The following NEGR1 variants were observed in gnomAD, a reference collection of about 807,000 sequenced individuals.
The protein encoded by NEGR1 is IgLON family member 4.
NEGR1 carries 10 observed loss-of-function variants against 40.9 expected under a neutral mutation model. The ratio of observed to expected loss-of-function variants is 0.24; its 90% CI spans 0.15 to 0.42. NEGR1 has a LOEUF of 0.42. Among genes scored for constraint, NEGR1 ranks in the 10% least tolerant of loss-of-function variants. The pLI, the probability that NEGR1 is intolerant of heterozygous loss-of-function variation, is 1.00. For missense variants in NEGR1, 352 were observed against 438.9 expected, an observed-to-expected ratio of 0.80 and a Z score of 1.77; for synonymous variants, 185 against 166.8, an observed-to-expected ratio of 1.11 and a Z score of -0.84.
At chr1:72,269,975 G>T (rs949122377) in intron 1 of NEGR1, among the ~76,000 whole-genome samples, 1 of 151,736 alleles carries the variant, frequency 6.6e-6, no homozygotes, top group Admixed American at 6.6e-5. Flanking sequence ...GGCAGTTGGT[G>T]CCGAGTAAAT....
At chr1:72,174,929 T>C (rs1652110126) in intron 1 of NEGR1, among the ~76,000 whole-genome samples, 1 of 152,070 alleles carries the variant, frequency 6.6e-6, no homozygotes, top group Non-Finnish European at 1.5e-5. Context: ...TTAGTCATTT[T>C]ATCTATAATG....
At chr1:72,255,166 T>G (rs1448585930) in intron 1 of NEGR1, among the ~76,000 whole-genome samples, 1 of 152,078 alleles carries the variant, frequency 6.6e-6, no homozygotes, top group Non-Finnish European at 1.5e-5. Context: ...CAGGGACATT[T>G]TTTACTAGGA....
Position 71,900,079 on chromosome 1 carries a change from A to C in NEGR1, c.409+35000T>G, listed in dbSNP as rs571150841. Among the ~76,000 whole-genome samples, 5 of 152,326 alleles carry C rather than the reference A, an allele frequency of 3.3e-5. No individual in the cohort carries two copies. The East Asian group carries it at 9.6e-4, about 29-fold the overall frequency. ...AGTTTCCATTTCTCTACCTCCAGCCAAAAAATACAGTATACCACTGAGTGG... is the reference window on the plus strand; with the variant it reads ...AGTTTCCATTTCTCTACCTCCAGCCCAAAAATACAGTATACCACTGAGTGG... On this transcript the variant is annotated intron_variant, in intron 2 of 6. Coordinates refer to ENST00000357731, the MANE Select transcript of NEGR1 (RefSeq NM_173808.3).
chr1:71,537,837 T>C (rs990413641), intron 6 of NEGR1, among the ~76,000 whole-genome samples: 8 of 151,710 alleles, frequency 5.3e-5, no homozygotes, highest in Non-Finnish European at 1.2e-4. Context: ...CATTAACTTG[T>C]AAGCAGTGAA....
chr1:71,704,169 A>T (rs1393591993), intron 3 of NEGR1, among the ~76,000 whole-genome samples: 2 of 134,538 alleles, frequency 1.5e-5, no homozygotes, highest in African/African-American at 7.2e-5. Context: ...TCTGTCACAC[A>T]CACACACACA....
At chr1:72,137,936 T>G (rs1650531154) in intron 1 of NEGR1, among the ~76,000 whole-genome samples, 1 of 152,052 alleles carries the variant, frequency 6.6e-6, no homozygotes, top group African/African-American at 2.4e-5. Context: ...AAAGTCAACC[T>G]AGAGTTCTAT....
intron 4 of NEGR1, among the ~76,000 whole-genome samples, chr1:71,682,307 A>G (rs10458580): frequency 0.98 from 149,694 of 152,248 alleles, 73,630 homozygotes; most frequent in East Asian, 1. Flanking sequence ...CTGTTTGCTC[A>G]TATTCAAGGT....
At chr1:72,281,484 G>A (rs1656247278) in intron 1 of NEGR1, among the ~76,000 whole-genome samples, 1 of 152,050 alleles carries the variant, frequency 6.6e-6, no homozygotes, top group African/African-American at 2.4e-5. Context: ...GGGGAACAGT[G>A]ACCATGCCTG....
At chr1:71,500,133 A>G (rs756837840) in intron 6 of NEGR1, among the ~76,000 whole-genome samples, 2 of 152,110 alleles carry the variant, frequency 1.3e-5, no homozygotes, top group Admixed American at 6.5e-5. Context: ...ATACCTCAAG[A>G]AAATTATCTA....
intron 5 of NEGR1, among the ~76,000 whole-genome samples, chr1:71,596,310 T>C (rs1200599939): frequency 6.6e-6 from 1 of 152,260 alleles, no homozygotes; most frequent in Non-Finnish European, 1.5e-5. Flanking sequence ...CTTCTGGCTT[T>C]TGCCAATGCC....
chr1:71,602,281 T>G (rs1179264591), intron 5 of NEGR1, among the ~76,000 whole-genome samples: 1 of 71,216 alleles, frequency 1.4e-5, no homozygotes, highest in Non-Finnish European at 2.6e-5. Context: ...GGAGTCTCGC[T>G]CTGTCGCCCA....
At chr1:71,473,838 T>C (rs911128009) in intron 6 of NEGR1, among the ~76,000 whole-genome samples, 1 of 152,000 alleles carries the variant, frequency 6.6e-6, no homozygotes, top group Admixed American at 6.6e-5. Flanking sequence ...GTGACTAGTG[T>C]GCATATATTG....
intron 6 of NEGR1, among the ~76,000 whole-genome samples, chr1:71,502,518 T>C (rs952888925): frequency 6.6e-6 from 1 of 152,186 alleles, no homozygotes; most frequent in African/African-American, 2.4e-5. Flanking sequence ...GGTGAATATG[T>C]GTTTCTCACA....
intron 2 of NEGR1, among the ~76,000 whole-genome samples, chr1:71,907,227 GT>G (rs1482088392): frequency 6.6e-6 from 1 of 152,096 alleles, no homozygotes; most frequent in Non-Finnish European, 1.5e-5. Context: ...TCTAGCCTCT[GT>G]TTCTATTACT....
intron 2 of NEGR1, among the ~76,000 whole-genome samples, chr1:71,931,772 T>C (rs1645857510): frequency 6.6e-6 from 1 of 152,182 alleles, no homozygotes; most frequent in African/African-American, 2.4e-5. Context: ...CATAGCACAA[T>C]TCCTGACATA....
chr1:71,466,391 A>G (rs1287378967), intron 6 of NEGR1, among the ~76,000 whole-genome samples: 1 of 152,100 alleles, frequency 6.6e-6, no homozygotes, highest in Non-Finnish European at 1.5e-5. Context: ...TTTACTTAAC[A>G]AAACACTCCC....
chr1:72,113,483 T>G (rs1450497346), intron 1 of NEGR1, among the ~76,000 whole-genome samples: 1 of 151,358 alleles, frequency 6.6e-6, no homozygotes, highest in African/African-American at 2.4e-5. Context: ...TTTAGAAATA[T>G]AAATACACTT....
chr1:71,657,833 G>T (rs2101587911), intron 4 of NEGR1, among the ~76,000 whole-genome samples: 2 of 152,270 alleles, frequency 1.3e-5, no homozygotes, highest in South Asian at 4.1e-4. Context: ...ATACAGAAAA[G>T]AAATGTTTTC....
At chr1:71,558,047 T>G (rs1360149106) in intron 6 of NEGR1, among the ~76,000 whole-genome samples, 2 of 151,570 alleles carry the variant, frequency 1.3e-5, no homozygotes, top group Non-Finnish European at 3.0e-5. Context: ...ACCACAGAGC[T>G]GATGTGCCCT....
Sources: gnomAD v4.1 joint callset for allele counts (sites outside exome capture counted in the v4.1 genomes callset) on GRCh38, gnomAD v4.1.1 for gene constraint, MANE v1.5 for transcripts, NCBI Gene and HGNC (gene_info 2026-07-23, HGNC 2026-07-21) for gene names.